The following TRIM54 variants were observed in gnomAD, a reference collection of about 807,000 sequenced individuals.
TRIM54 encodes tripartite motif-containing protein 54.
Under a neutral mutation model 42.0 loss-of-function variants are expected in TRIM54, and 40 were observed. The ratio of observed to expected loss-of-function variants is 0.95; its 90% CI spans 0.74 to 1.24. TRIM54 has a LOEUF of 1.24. TRIM54 is among the 50% of genes most tolerant of loss of function. The probability of loss-of-function intolerance (pLI) is 0.00; values close to 1 mark genes in which losing one functional copy is unlikely to be tolerated. For missense variants in TRIM54, 485 were observed against 480.3 expected, an observed-to-expected ratio of 1.01 and a Z score of -0.09; for synonymous variants, 199 against 194.9, an observed-to-expected ratio of 1.02 and a Z score of -0.17.
At chr2:27,305,256 T>G (rs1679161209) in intron 4 of TRIM54, 1 of 600,078 alleles carries the variant, frequency 1.7e-6, no homozygotes, top group Admixed American at 3.0e-5. Context: ...GTTATTTAAC[T>G]TCTCTGTGCT....
chr2:27,283,704 C>CT (rs1324492106), intron 1 of TRIM54, among the ~76,000 whole-genome samples: 4 of 146,230 alleles, frequency 2.7e-5, no homozygotes, highest in Non-Finnish European at 4.5e-5. Context: ...TCCTGTGCTA[C>CT]TGGGGAGGTT....
intron 1 of TRIM54, among the ~76,000 whole-genome samples, chr2:27,296,210 G>A (rs1410017492): frequency 6.6e-6 from 1 of 152,204 alleles, no homozygotes; most frequent in Non-Finnish European, 1.5e-5. Context: ...TGTGCATGAT[G>A]GGGTGTTGCT....
Position 27,306,813 on chromosome 2 carries a change from A to T in TRIM54, c.*2-74A>T. 1 of 526,558 alleles carries T rather than the reference A, an allele frequency of 1.9e-6. No individual in the cohort carries two copies. 32.6% of individuals were successfully genotyped at this position (526,558 alleles called of 1,614,324 possible). On this transcript the variant is annotated intron_variant, in intron 8 of 8. Transcript: ENST00000380075. This position sits in a 1 kb window ranked among gnomAD's most constrained non-coding sequence, Gnocchi z 6.1. ...AGAGGAGAAACCCACGTGGCGGGGG[A>T]CGGAGTGAGCGGGGCTCGAGCTGCC...
At chr2:27,283,784 G>GCGCACACACA (rs367621533) in intron 1 of TRIM54, among the ~76,000 whole-genome samples, 2,322 of 132,176 alleles carry the variant, frequency 0.018, 32 homozygotes, top group Middle Eastern at 0.049. Context: ...ACACACGCGC[G>GCGCACACACA]CACACACACA....
chr2:27,292,768 ACCT>A (rs1287675440), intron 1 of TRIM54, among the ~76,000 whole-genome samples: 19 of 152,068 alleles, frequency 1.2e-4, no homozygotes, highest in African/African-American at 4.3e-4. Flanking sequence ...TATGCCAGGT[ACCT>A]CATTTAAGAG....
intron 1 of TRIM54, among the ~76,000 whole-genome samples, chr2:27,288,822 G>C (rs1678644613): frequency 6.6e-6 from 1 of 152,186 alleles, no homozygotes; most frequent in African/African-American, 2.4e-5. Flanking sequence ...TTCCTAGAGT[G>C]ATGGAATTTC....
intron 1 of TRIM54, among the ~76,000 whole-genome samples, chr2:27,284,141 A>G (rs892217419): frequency 2.0e-5 from 3 of 152,166 alleles, no homozygotes; most frequent in African/African-American, 7.2e-5. Flanking sequence ...TCAAAAAAAC[A>G]AAAACAAAAA....
At position 27,307,215 on chromosome 2, in the gene TRIM54, G is replaced by A. The variant is rs761798321; in HGVS notation, c.*330G>A. The A allele has an allele frequency of 8.2e-5, 36 of 440,234 alleles. No individual in the cohort carries two copies. The highest frequency in any genetic ancestry group is 1.3e-4 in the Non-Finnish European group (31 of 244,666). The allele number at this position is 440,234 out of a possible 1,614,324, so 27.3% of individuals were successfully genotyped here. ...GGCCGAGGGCGGGGCGGTGGTGCCG[G>A]GACCTCTGAGGTCCTGGGGATTTGG... On this transcript the variant is annotated 3_prime_UTR_variant, in exon 9 of 9. Transcript: ENST00000380075. The surrounding 1 kb of genome is among the most constrained non-coding windows in gnomAD (Gnocchi z 6.9).
In TRIM54 at chr2:27,307,333, G is replaced by A. The variant is rs1679255523; in HGVS notation, c.*448G>A. 4 of 996,748 alleles carry A rather than the reference G, an allele frequency of 4.0e-6. No individual in the cohort carries two copies. The highest frequency in any genetic ancestry group is 5.9e-5 in the East Asian group (2 of 33,724). 61.7% of individuals were successfully genotyped at this position (996,748 alleles called of 1,614,324 possible). On this transcript the variant is annotated 3_prime_UTR_variant, in exon 9 of 9. Coordinates refer to ENST00000380075, the MANE Select transcript of TRIM54 (RefSeq NM_187841.3). This position sits in a 1 kb window ranked among gnomAD's most constrained non-coding sequence, Gnocchi z 6.9. ...CATTTTGTTCCCCTCCCGCTGGCCCGGGGGCCCCACCTTCCCACGGGTTCC... is the reference window on the plus strand; with the variant it reads ...CATTTTGTTCCCCTCCCGCTGGCCCAGGGGCCCCACCTTCCCACGGGTTCC...
chr2:27,305,917 C>T (rs1487165447), intron 5 of TRIM54, 100 bp downstream of exon 5: 2 of 1,364,080 alleles, frequency 1.5e-6, no homozygotes, highest in Non-Finnish European at 2.0e-6. Context: ...CACCTGCTTG[C>T]CCCTACGACC....
At chr2:27,304,853 G>C in intron 3 of TRIM54, 106 bp from the exon 4 acceptor site, 1 of 830,326 alleles carries the variant, frequency 1.2e-6, no homozygotes, top group Non-Finnish European at 2.0e-6. Context: ...CCCTTATGGG[G>C]GGTGAGGTGG....
At chr2:27,298,419 TCAGAG>T (rs1456333185) in intron 1 of TRIM54, 143 bp from the exon 2 acceptor site, 4 of 641,658 alleles carry the variant, frequency 6.2e-6, no homozygotes, top group Non-Finnish European at 1.1e-5. Context: ...TGCGCTGCTC[TCAGAG>T]GTGGATCCAG....
chr2:27,298,448 C>A, intron 1 of TRIM54, 119 bp from the exon 2 acceptor site: 1 of 728,454 alleles, frequency 1.4e-6, no homozygotes, highest in Non-Finnish European at 2.3e-6. Context: ...CAGAGAAGAG[C>A]TGACATCTTC....
At chr2:27,302,890 C>T (rs901980393) in intron 3 of TRIM54, among the ~76,000 whole-genome samples, 4 of 152,150 alleles carry the variant, frequency 2.6e-5, no homozygotes, top group African/African-American at 9.7e-5. Flanking sequence ...TTGTGGCCCT[C>T]ACTTTCCTCA....
intron 1 of TRIM54, among the ~76,000 whole-genome samples, chr2:27,288,270 C>T (rs184431993): frequency 2.5e-4 from 38 of 152,332 alleles, no homozygotes; most frequent in African/African-American, 8.2e-4. Context: ...CAAAAAGCCC[C>T]ATTGCATCCA....
intron 4 of TRIM54, 122 bp from the exon 5 acceptor site, chr2:27,305,462 C>T: frequency 2.6e-6 from 2 of 768,914 alleles, no homozygotes; most frequent in South Asian, 1.8e-5. Context: ...GGCTCAGCCA[C>T]TAACTCACAG....
Position 27,306,405 on chromosome 2 carries a change from G to T in TRIM54, c.992-51G>T, listed in dbSNP as rs753087112. The T allele has an allele frequency of 1.2e-6, 2 of 1,612,254 alleles. No homozygotes were observed. The highest frequency in any genetic ancestry group is 1.7e-6 in the Non-Finnish European group (2 of 1,179,160). On this transcript the variant is annotated intron_variant, in intron 7 of 8. Transcript: ENST00000380075. The surrounding 1 kb of genome is among the most constrained non-coding windows in gnomAD (Gnocchi z 6.1). Reference sequence around the variant, plus strand: ...TCTGTGTGGGGGGTGCGGCGGGCACGATGGCCGTAAAGGCAGGGACTCCAC... The same window carrying T: ...TCTGTGTGGGGGGTGCGGCGGGCACTATGGCCGTAAAGGCAGGGACTCCAC...
rs1452726256 is a variant in TRIM54 at position 27,298,669 on chromosome 2, G to A, written c.271G>A (p.Gly91Ser). The change falls in exon 2 of 9, where the codon GGT becomes AGT. Residue 91 changes from glycine (G) to serine (S), a missense_variant. Physicochemically the swap from Gly to Ser is moderately conservative, Grantham distance 56. Coordinates refer to ENST00000380075, the MANE Select transcript of TRIM54 (RefSeq NM_187841.3). ...GCATGAGGTTGTCCTGGACAGACAC[G>A]GTGTCTACGGCCTGCAGCGAAACCT... Reference protein sequence around the residue: ...CRHEVVLDRHGVYGLQRNLLV... With the variant: ...CRHEVVLDRHSVYGLQRNLLV... 9.3e-6 allele frequency: 15 copies of A among 1,614,024 alleles called. No homozygotes were observed. The highest frequency in any genetic ancestry group is 1.7e-5 in the Admixed American group (1 of 60,000).
At chr2:27,283,921 T>C (rs906398467) in intron 1 of TRIM54, among the ~76,000 whole-genome samples, 1 of 151,792 alleles carries the variant, frequency 6.6e-6, no homozygotes, top group African/African-American at 2.4e-5. Flanking sequence ...GATCACGAGG[T>C]CAGGAGTTCA....
Sources: allele counts gnomAD v4.1 joint callset (sites outside exome capture counted in the v4.1 genomes callset), GRCh38; gene constraint gnomAD v4.1.1; non-coding constraint Gnocchi (gnomAD v3.1); transcripts MANE v1.5; gene names NCBI Gene and HGNC (gene_info 2026-07-23, HGNC 2026-07-21).